The following SLC25A21 variants were observed in gnomAD, a reference collection of about 807,000 sequenced individuals.
SLC25A21 encodes the protein solute carrier family 25 member 21.
A neutral mutation model predicts 43.8 loss-of-function variants in SLC25A21; 47 were observed. The observed-to-expected ratio is 1.07, with a 90% CI of 0.85 to 1.37. The LOEUF (loss-of-function observed/expected upper bound fraction) is 1.37. Ranked by LOEUF, SLC25A21 falls within the 40% of genes most tolerant of loss-of-function variation. The probability of loss-of-function intolerance (pLI) is 0.00; values close to 1 mark genes in which losing one functional copy is unlikely to be tolerated. For synonymous variants in SLC25A21, 131 were observed against 121.3 expected, an observed-to-expected ratio of 1.08 and a Z score of -0.52; for missense variants, 352 against 350.2, an observed-to-expected ratio of 1.00 and a Z score of -0.04.
chr14:36,787,747 G>A (rs963921132), intron 3 of SLC25A21, among the ~76,000 whole-genome samples: 2 of 152,132 alleles, frequency 1.3e-5, no homozygotes, highest in Non-Finnish European at 2.9e-5. Flanking sequence ...TTCTTCCTTT[G>A]ATACAGAAAC....
At chr14:36,919,045 C>T (rs73254225) in intron 1 of SLC25A21, among the ~76,000 whole-genome samples, 264 of 152,030 alleles carry the variant, frequency 1.7e-3, no homozygotes, top group African/African-American at 6.1e-3. Context: ...ATTTCATGTT[C>T]TTCCCACTGG....
intron 1 of SLC25A21, among the ~76,000 whole-genome samples, chr14:37,104,901 C>T (rs567598769): frequency 5.9e-5 from 9 of 152,260 alleles, no homozygotes; most frequent in Admixed American, 2.0e-4. Flanking sequence ...TCTTGCATAG[C>T]CTCTGAAATA....
intron 7 of SLC25A21, among the ~76,000 whole-genome samples, chr14:36,687,256 C>G (rs1342378460): frequency 6.6e-6 from 1 of 152,136 alleles, no homozygotes; most frequent in Admixed American, 6.5e-5. Context: ...CCCGGCCCAC[C>G]TTTGTTTTCT....
At chr14:37,112,578 C>T (rs1011375405) in intron 1 of SLC25A21, among the ~76,000 whole-genome samples, 1 of 152,166 alleles carries the variant, frequency 6.6e-6, no homozygotes, top group African/African-American at 2.4e-5. Flanking sequence ...TTCGCAGAGT[C>T]CTTTGCAGCT....
chr14:37,065,745 ATATTGAATCAT>A (rs1194309765), intron 1 of SLC25A21, among the ~76,000 whole-genome samples: 4 of 152,234 alleles, frequency 2.6e-5, no homozygotes, highest in Non-Finnish European at 5.9e-5. Context: ...AACACTTCAG[ATATTGAATCAT>A]TAGACATATA....
intron 7 of SLC25A21, among the ~76,000 whole-genome samples, chr14:36,690,224 T>C (rs1220555810): frequency 6.6e-6 from 1 of 152,214 alleles, no homozygotes; most frequent in Non-Finnish European, 1.5e-5. Flanking sequence ...CAAAAATTGC[T>C]ATACATGTTA....
At chr14:37,148,515 C>T (rs1053755370) in intron 1 of SLC25A21, among the ~76,000 whole-genome samples, 2 of 152,142 alleles carry the variant, frequency 1.3e-5, no homozygotes, top group African/African-American at 4.8e-5. Flanking sequence ...AAATAAGATG[C>T]TATGAAAGAG....
intron 1 of SLC25A21, among the ~76,000 whole-genome samples, chr14:37,003,427 G>A (rs1179150267): frequency 1.3e-5 from 2 of 152,122 alleles, no homozygotes; most frequent in African/African-American, 4.8e-5. Context: ...AGTTGACCAT[G>A]GAAAACTAAA....
At position 36,720,155 on chromosome 14, in the gene SLC25A21, A is replaced by T. The variant is rs372703859; in HGVS notation, c.438+5415T>A. Among the ~76,000 whole-genome samples, 17 of 152,310 alleles carry T rather than the reference A, an allele frequency of 1.1e-4. No individual in the cohort carries two copies. In the South Asian group the frequency reaches 3.3e-3, roughly 30 times the overall value. On this transcript the variant is annotated intron_variant, in intron 6 of 9. Transcript: ENST00000331299. ...CCATGCTCTCTGCACCTGGAACTGTAGCAGTTCCTTTGTTCCATCGCTGTC... is the reference window on the plus strand; with the variant it reads ...CCATGCTCTCTGCACCTGGAACTGTTGCAGTTCCTTTGTTCCATCGCTGTC...
intron 1 of SLC25A21, among the ~76,000 whole-genome samples, chr14:37,045,821 G>T (rs914686740): frequency 6.6e-6 from 1 of 152,184 alleles, no homozygotes; most frequent in Non-Finnish European, 1.5e-5. Context: ...GAGCATCCAT[G>T]AAATGATCTT....
chr14:36,946,932 A>G (rs1324537362), intron 1 of SLC25A21, among the ~76,000 whole-genome samples: 1 of 152,184 alleles, frequency 6.6e-6, no homozygotes, highest in Non-Finnish European at 1.5e-5. Flanking sequence ...TCTGTCTTGT[A>G]GCAGTTCATT....
intron 3 of SLC25A21, among the ~76,000 whole-genome samples, chr14:36,760,458 A>C (rs1886109675): frequency 6.6e-6 from 1 of 152,160 alleles, no homozygotes; most frequent in African/African-American, 2.4e-5. Context: ...TGTCTTAGGT[A>C]GGCAAGGAGA....
At chr14:36,842,025 C>A (rs938349056) in intron 2 of SLC25A21, among the ~76,000 whole-genome samples, 4 of 152,188 alleles carry the variant, frequency 2.6e-5, no homozygotes, top group African/African-American at 4.8e-5. Flanking sequence ...GTGCTAAATT[C>A]TCTTCCCATG....
At chr14:37,158,497 T>C (rs370701550) in intron 1 of SLC25A21, among the ~76,000 whole-genome samples, 2 of 152,146 alleles carry the variant, frequency 1.3e-5, no homozygotes, top group African/African-American at 4.8e-5. Context: ...ATCATCTCAA[T>C]AGATGCAGAA....
chr14:36,867,785 G>T (rs956303213), intron 2 of SLC25A21, among the ~76,000 whole-genome samples: 1 of 117,836 alleles, frequency 8.5e-6, no homozygotes, highest in African/African-American at 2.9e-5. Context: ...TAAACACCAT[G>T]CTTTCGTGTG....
At chr14:36,908,777 G>T in intron 1 of SLC25A21, among the ~76,000 whole-genome samples, 1 of 152,158 alleles carries the variant, frequency 6.6e-6, no homozygotes, top group Admixed American at 6.6e-5. Context: ...CAGATGGAGG[G>T]TTAAGTAGGT....
At chr14:36,760,812 T>G (rs1217565183) in intron 3 of SLC25A21, among the ~76,000 whole-genome samples, 1 of 143,666 alleles carries the variant, frequency 7.0e-6, no homozygotes, top group Non-Finnish European at 1.5e-5. Flanking sequence ...CCCTCCCAAA[T>G]AACACATCAA....
chr14:37,056,382 C>T (rs564952192), intron 1 of SLC25A21, among the ~76,000 whole-genome samples: 2 of 150,750 alleles, frequency 1.3e-5, no homozygotes, highest in East Asian at 3.9e-4. Flanking sequence ...CCCAGCTACT[C>T]GGGAGGCTGA....
intron 3 of SLC25A21, among the ~76,000 whole-genome samples, chr14:36,807,757 T>G (rs78351140): frequency 0.018 from 2,803 of 152,280 alleles, 30 homozygotes; most frequent in Middle Eastern, 0.031. Flanking sequence ...CTTACTAAGT[T>G]GTAGAGCTGT....
Sources: gnomAD v4.1 joint callset for allele counts (sites outside exome capture counted in the v4.1 genomes callset) on GRCh38, gnomAD v4.1.1 for gene constraint, MANE v1.5 for transcripts, NCBI Gene and HGNC (gene_info 2026-07-23, HGNC 2026-07-21) for gene names.